DGCR2: variants seen among roughly 807,000 people sequenced by gnomAD.
DGCR2 encodes the protein integral membrane protein DGCR2/IDD.
DGCR2 carries 24 observed loss-of-function variants against 51.6 expected under a neutral mutation model. The observed-to-expected ratio is 0.47, with a 90% confidence interval of 0.34 to 0.65. The LOEUF is 0.65. Ranked by LOEUF, DGCR2 falls within the 30% of genes least tolerant of loss-of-function variation. The probability of loss-of-function intolerance (pLI) is 0.01; values close to 1 mark genes in which losing one functional copy is unlikely to be tolerated. For missense variants in DGCR2, 765 were observed against 772.1 expected (o/e 0.99, Z 0.11); for synonymous variants, 340 against 315.4 (o/e 1.08, Z -0.82).
chr22:19,059,613 C>T (rs1345858518), intron 5 of DGCR2, among the ~76,000 whole-genome samples: 1 of 152,098 alleles, frequency 6.6e-6, no homozygotes, highest in African/African-American at 2.4e-5. Context: ...CTCCTCACCC[C>T]CTGCCACCCC....
intron 1 of DGCR2, among the ~76,000 whole-genome samples, chr22:19,102,490 C>A (rs2083213114): frequency 6.6e-6 from 1 of 151,774 alleles, no homozygotes; most frequent in Admixed American, 6.6e-5. Flanking sequence ...ATCATGAGGT[C>A]AGGCGATCAA....
At chr22:19,087,874 G>A (rs982463629) in intron 2 of DGCR2, among the ~76,000 whole-genome samples, 3 of 151,982 alleles carry the variant, frequency 2.0e-5, no homozygotes, top group Admixed American at 6.6e-5. Context: ...TATTAGAAAC[G>A]GGGTTTCACT....
intron 6 of DGCR2, chr22:19,055,674 T>C (rs1419690784): frequency 1.3e-5 from 2 of 151,924 alleles, no homozygotes; most frequent in African/African-American, 4.8e-5. Context: ...AAAATTCACA[T>C]AGAAAAGGGT....
At chr22:19,080,011 A>C (rs2082918717) in intron 2 of DGCR2, among the ~76,000 whole-genome samples, 1 of 152,222 alleles carries the variant, frequency 6.6e-6, no homozygotes, top group Non-Finnish European at 1.5e-5. Context: ...TGGGAGAGCT[A>C]GTCTTTCAGT....
intron 1 of DGCR2, among the ~76,000 whole-genome samples, chr22:19,107,949 T>C (rs959585022): frequency 2.6e-5 from 4 of 152,212 alleles, no homozygotes; most frequent in African/African-American, 7.2e-5. Context: ...TGAATGCTCA[T>C]TTTGCATGTG....
chr22:19,065,988 T>C (rs529127942), intron 3 of DGCR2: 3 of 152,326 alleles, frequency 2.0e-5, no homozygotes, highest in Admixed American at 6.5e-5. Flanking sequence ...TAAAGGCACA[T>C]AGATTACAGA....
rs150921486 is a variant in DGCR2 at position 19,041,892 on chromosome 22, G to A, written c.1074C>T (p.Phe358=). 4 of 1,613,622 alleles carry A rather than the reference G, an allele frequency of 2.5e-6. No homozygotes were observed. The African/African-American group carries it at 5.3e-5, about 22-fold the overall frequency. The stretch of plus-strand genomic sequence containing the variant: ...TGAAGAGCAGCAGTGACAGGATGAG[G>A]AAGGAGGAGATGCAGCTGACGACCA... ...MRLVVSCISS[F]LILSLLLFMV... The change falls in exon 8 of 10, where the codon TTC becomes TTT. Residue 358 remains phenylalanine, a synonymous_variant. Transcript: ENST00000263196.
At chr22:19,078,467 T>G (rs1202964671) in intron 2 of DGCR2, among the ~76,000 whole-genome samples, 2 of 152,218 alleles carry the variant, frequency 1.3e-5, no homozygotes, top group Non-Finnish European at 2.9e-5. Context: ...CATGTTTCTG[T>G]GAAATCTTTA....
Position 19,041,180 on chromosome 22 carries a change from T to C in DGCR2, c.1274A>G (p.His425Arg). Reference sequence around the variant, plus strand: ...GTAGGGAGGTGGAGGGTCGTGGAAATGGAAAGTCCCACCCTCTCCGTCGTC... The same window carrying C: ...GTAGGGAGGTGGAGGGTCGTGGAAACGGAAAGTCCCACCCTCTCCGTCGTC... ...LSDDGEGGTF[H>R]FHDPPPPYTA... Residue 425 changes from histidine to arginine, a missense_variant, in exon 9 of 10, where the codon CAT (histidine) becomes CGT (arginine). By Grantham distance (29) the His-to-Arg change is conservative. This residue lies in a region of DGCR2 where 205 missense variants were observed against 181.4 expected (regional missense o/e 1.13). Coordinates refer to ENST00000263196, the MANE Select transcript of DGCR2 (RefSeq NM_005137.3). The C allele has an allele frequency of 6.2e-7, 1 of 1,613,454 alleles. No individual in the cohort carries two copies. Among genetic ancestry groups the C allele is most frequent in the Admixed American group, 1.7e-5 (1 of 59,966 alleles).
intron 9 of DGCR2, among the ~76,000 whole-genome samples, chr22:19,039,326 C>A (rs532630953): frequency 6.6e-6 from 1 of 152,202 alleles, no homozygotes; most frequent in Non-Finnish European, 1.5e-5. Context: ...CCTACTGCCC[C>A]CTGTGGCTGG....
At chr22:19,117,215 G>A (rs2083382773) in intron 1 of DGCR2, among the ~76,000 whole-genome samples, 1 of 152,236 alleles carries the variant, frequency 6.6e-6, no homozygotes, top group Non-Finnish European at 1.5e-5. Context: ...AGTACTCTGG[G>A]AAGTGGGAAG....
chr22:19,091,211 T>G (rs554825830), intron 1 of DGCR2, among the ~76,000 whole-genome samples: 1 of 152,046 alleles, frequency 6.6e-6, no homozygotes, highest in Admixed American at 6.5e-5. Flanking sequence ...TACAAAAAAT[T>G]AGCCGGGTAT....
chr22:19,095,158 T>A (rs549836575), intron 1 of DGCR2, among the ~76,000 whole-genome samples: 1 of 148,994 alleles, frequency 6.7e-6, no homozygotes, highest in East Asian at 2.0e-4. Flanking sequence ...AGGTCGGGAG[T>A]TCGAGACCAG....
At position 19,038,769 on chromosome 22, in the gene DGCR2, C is replaced by A; in HGVS notation, c.*96G>T. On this transcript the variant is annotated 3_prime_UTR_variant, in exon 10 of 10. Transcript: ENST00000263196. ...AGTGACGTGCGGCAGTGCGTGGCGT[C>A]CAGGCTGGGACAGGGGCCTTTCAAG... 1 of 1,508,210 alleles carries A rather than the reference C, an allele frequency of 6.6e-7. No individual in the cohort carries two copies. Among genetic ancestry groups the A allele is most frequent in the South Asian group, 1.3e-5 (1 of 78,256 alleles). The allele number at this position is 1,508,210 out of a possible 1,614,324, so 93.4% of individuals were successfully genotyped here.
chr22:19,091,168 G>C (rs1184331161), intron 1 of DGCR2, among the ~76,000 whole-genome samples: 4 of 152,198 alleles, frequency 2.6e-5, no homozygotes, highest in Admixed American at 6.5e-5. Flanking sequence ...GGACCAGCCT[G>C]AGCAACATGG....
chr22:19,085,105 GAAAAA>G (rs111548476), intron 2 of DGCR2, among the ~76,000 whole-genome samples: 1 of 137,594 alleles, frequency 7.3e-6, no homozygotes, highest in Non-Finnish European at 1.6e-5. Flanking sequence ...TCCTGCCTTG[GAAAAA>G]AAAAAAAAAA....
chr22:19,120,204 C>A (rs1036211326), intron 1 of DGCR2, among the ~76,000 whole-genome samples: 18 of 152,320 alleles, frequency 1.2e-4, no homozygotes, highest in South Asian at 6.2e-4. Context: ...GGGGTAGCTG[C>A]AATGTTCTCA....
chr22:19,105,603 C>G (rs1045726903), intron 1 of DGCR2, among the ~76,000 whole-genome samples: 2 of 152,138 alleles, frequency 1.3e-5, no homozygotes, highest in African/African-American at 4.8e-5. Flanking sequence ...ACTCCGGGGC[C>G]CCAGAGGGAC....
chr22:19,056,970 G>T lies in DGCR2; in HGVS notation c.802+16C>A. 1 of 1,564,746 alleles carries T rather than the reference G, an allele frequency of 6.4e-7. No homozygotes were observed. The highest frequency in any genetic ancestry group is 8.7e-7 in the Non-Finnish European group (1 of 1,153,516). On this transcript the variant is annotated intron_variant, in intron 6 of 9. Transcript: ENST00000263196. ...GCCCAGACATTCCCCAAGAACGCCA[G>T]CTCAAGGGGGCTTACTTCTTTTACA...
Sources: gnomAD v4.1 joint callset for allele counts (sites outside exome capture counted in the v4.1 genomes callset) on GRCh38, gnomAD v4.1.1 for gene constraint, gnomAD v4.1.1 regional missense constraint, MANE v1.5 for transcripts, NCBI Gene and HGNC (gene_info 2026-07-23, HGNC 2026-07-21) for gene names.